Variants in CCND3 observed in about 807,000 individuals in gnomAD.
The protein encoded by CCND3 is cyclin D3, also known as G1/S-specific cyclin-D3.
Under a neutral mutation model 28.7 loss-of-function variants are expected in CCND3, and 9 were observed. The observed-to-expected ratio is 0.31, with a 90% CI of 0.19 to 0.55. CCND3 has a LOEUF of 0.55. Among genes scored for constraint, CCND3 ranks in the 20% least tolerant of loss-of-function variants. CCND3 has a pLI of 0.93. For missense variants in CCND3, 315 were observed against 385.8 expected (o/e 0.82, Z 1.54); for synonymous variants, 164 against 163.9 (o/e 1.00, Z 0.00).
chr6:41,985,484 T>C (rs1006584025), intron 1 of CCND3, among the ~76,000 whole-genome samples: 24 of 152,048 alleles, frequency 1.6e-4, no homozygotes, highest in African/African-American at 5.3e-4. Context: ...TGGCTAATTT[T>C]GTGTATTTTT....
intron 1 of CCND3, among the ~76,000 whole-genome samples, chr6:42,006,831 C>CTG (rs1763188775): frequency 6.6e-6 from 1 of 151,534 alleles, no homozygotes; most frequent in African/African-American, 2.4e-5. Flanking sequence ...TGGTGTGAAC[C>CTG]CAGGGGGCAG....
intron 1 of CCND3, among the ~76,000 whole-genome samples, chr6:42,012,267 G>C (rs374116792): frequency 6.6e-6 from 1 of 152,022 alleles, no homozygotes; most frequent in African/African-American, 2.4e-5. Context: ...TTAGCTGGGC[G>C]TGGTGGCGGG....
rs563176612 is a variant in CCND3 at position 42,002,495 on chromosome 6, C to T, written c.-46+46006G>A. 3.0e-4 allele frequency among the ~76,000 whole-genome samples: 45 copies of T among 150,346 alleles called. 1 individual carries two copies. Among genetic ancestry groups the T allele is most frequent in the African/African-American group, 8.5e-4 (35 of 40,950 alleles). ...TGATATGTACATTCAATAAAGAAAG[C>T]AAACTTATACAATGCAGCTAAAACA... is the stretch of plus-strand genomic sequence containing the variant. On this transcript the variant is annotated intron_variant, in intron 1 of 4. Transcript: ENST00000372988.
chr6:42,002,572 G>C (rs1383804501), intron 1 of CCND3, among the ~76,000 whole-genome samples: 1 of 152,152 alleles, frequency 6.6e-6, no homozygotes, highest in African/African-American at 2.4e-5. Flanking sequence ...AAAAGAGAGG[G>C]CTGGGCGTGG....
intron 1 of CCND3, among the ~76,000 whole-genome samples, chr6:42,032,130 G>A (rs1368081887): frequency 1.3e-5 from 2 of 151,898 alleles, no homozygotes; most frequent in Non-Finnish European, 2.9e-5. Context: ...CTGTCACACA[G>A]GCTGCAATGC....
intron 1 of CCND3, among the ~76,000 whole-genome samples, chr6:41,976,995 C>G (rs1415359090): frequency 6.6e-6 from 1 of 152,158 alleles, no homozygotes; most frequent in Non-Finnish European, 1.5e-5. Flanking sequence ...ACAGTTGTAG[C>G]AGCAGAGCTG....
intron 1 of CCND3, among the ~76,000 whole-genome samples, chr6:41,976,299 C>A (rs1762182908): frequency 6.6e-6 from 1 of 151,878 alleles, no homozygotes; most frequent in Admixed American, 6.6e-5. Flanking sequence ...TTGCAGCGAG[C>A]TGAGATCTCA....
chr6:42,034,468 CTTTTT>C (rs34822771), intron 1 of CCND3, among the ~76,000 whole-genome samples: 4 of 50,978 alleles, frequency 7.8e-5, no homozygotes, highest in African/African-American at 1.7e-4. Flanking sequence ...CCCTGTCACT[CTTTTT>C]TTTTTTTTTT....
chr6:41,975,057 G>T (rs1273622370), intron 1 of CCND3, among the ~76,000 whole-genome samples: 3 of 152,048 alleles, frequency 2.0e-5, no homozygotes, highest in Admixed American at 1.3e-4. Context: ...CTCCCAAAAT[G>T]CTGGGATTAC....
chr6:41,972,893 A>AAC lies in CCND3; in HGVS notation c.-45-32309_-45-32308insGT, dbSNP rs1554162130. Among the ~76,000 whole-genome samples, 42 of 149,846 alleles carry AAC rather than the reference A, an allele frequency of 2.8e-4. 1 individual carries two copies. Among genetic ancestry groups the AAC allele is most frequent in the African/African-American group, 7.8e-4 (32 of 41,072 alleles). Reference sequence around the variant, plus strand: ...TATATATATATATTTAAAAATTAAAAATATATATATATATGACTGAGTTGG... The same window carrying AAC: ...TATATATATATATTTAAAAATTAAAAACATATATATATATATGACTGAGTTGG... On this transcript the variant is annotated intron_variant, in intron 1 of 4. Coordinates refer to the CCND3 transcript ENST00000372988.
intron 1 of CCND3, among the ~76,000 whole-genome samples, chr6:42,030,390 G>C (rs1405455012): frequency 6.6e-6 from 1 of 152,134 alleles, no homozygotes; most frequent in Admixed American, 6.5e-5. Flanking sequence ...TGGTTGTTCT[G>C]TGGAGCTGGG....
At chr6:42,024,237 A>G (rs578018689) in intron 1 of CCND3, among the ~76,000 whole-genome samples, 4 of 151,990 alleles carry the variant, frequency 2.6e-5, no homozygotes, top group East Asian at 1.9e-4. Context: ...TCCCGTCCCT[A>G]CTAAATATAC....
chr6:41,964,344 GTGTGTGAGTCTGTGTGTGTATGTGTGAA>G (rs1308964163), intron 1 of CCND3, among the ~76,000 whole-genome samples: 7 of 141,220 alleles, frequency 5.0e-5, no homozygotes, highest in Non-Finnish European at 4.5e-5. Flanking sequence ...GTGTGTGAAT[GTGTGTGAGTCTGTGTGTGTATGTGTGAA>G]TGTGTGTGAG....
chr6:41,954,350 G>T (rs1776388961), intron 1 of CCND3, among the ~76,000 whole-genome samples: 1 of 148,366 alleles, frequency 6.7e-6, no homozygotes, highest in Non-Finnish European at 1.5e-5. Flanking sequence ...CAGGAGTTCA[G>T]ACCAGCCTGG....
At chr6:42,020,569 C>A (rs1320495758) in intron 1 of CCND3, among the ~76,000 whole-genome samples, 1 of 152,184 alleles carries the variant, frequency 6.6e-6, no homozygotes, top group Non-Finnish European at 1.5e-5. Context: ...TCCCACCCTG[C>A]CCTTGCCTTG....
At chr6:42,035,230 T>C (rs1236976601) in intron 1 of CCND3, among the ~76,000 whole-genome samples, 2 of 152,202 alleles carry the variant, frequency 1.3e-5, no homozygotes, top group Non-Finnish European at 2.9e-5. Flanking sequence ...GCATGGTGCC[T>C]CACGGGGGAA....
intron 1 of CCND3, among the ~76,000 whole-genome samples, chr6:42,029,053 T>G (rs1261019201): frequency 5.3e-5 from 8 of 151,448 alleles, no homozygotes; most frequent in Non-Finnish European, 1.0e-4. Context: ...CATAGCTCAC[T>G]GCAGCCTCGA....
chr6:42,040,878 A>C (rs201014459), intron 1 of CCND3, among the ~76,000 whole-genome samples: 1 of 149,294 alleles, frequency 6.7e-6, no homozygotes, highest in Admixed American at 6.6e-5. Flanking sequence ...CAAAAAAAAA[A>C]CAAAAAAAAA....
At chr6:42,049,196 C>CCAA (rs1455541507), upstream of CCND3, among the ~76,000 whole-genome samples, 1 of 152,140 alleles carries the variant, frequency 6.6e-6, no homozygotes, top group African/African-American at 2.4e-5. Context: ...CCGCCACGCC[C>CCAA]GGCTAATTTT....
Sources: allele counts gnomAD v4.1 joint callset (sites outside exome capture counted in the v4.1 genomes callset), GRCh38; gene constraint gnomAD v4.1.1; transcripts MANE v1.5; gene names NCBI Gene and HGNC (gene_info 2026-07-23, HGNC 2026-07-21).